ATP5F1A: variants seen among roughly 807,000 people sequenced by gnomAD.
ATP5F1A encodes the protein ATP synthase F(1) complex subunit alpha, mitochondrial.
Under a neutral mutation model 57.4 loss-of-function variants are expected in ATP5F1A, and 24 were observed. The ratio of observed to expected loss-of-function variants is 0.42; its 90% CI spans 0.30 to 0.59. The LOEUF (loss-of-function observed/expected upper bound fraction) is 0.59, where lower values mean the gene tolerates loss of function less well. ATP5F1A is among the 20% of genes least tolerant of loss of function. ATP5F1A has a pLI of 0.19. For synonymous variants in ATP5F1A, 251 were observed against 255.5 expected (o/e 0.98, Z 0.17); for missense variants, 494 against 707.9 (o/e 0.70, Z 3.43).
intron 3 of ATP5F1A, among the ~76,000 whole-genome samples, chr18:46,090,922 A>T (rs1910508820): frequency 6.6e-6 from 1 of 152,228 alleles, no homozygotes; most frequent in Non-Finnish European, 1.5e-5. Context: ...CAAAAGCTAA[A>T]AGGGGAACTC....
intron 10 of ATP5F1A, 80 bp downstream of exon 10, chr18:46,086,033 T>A: frequency 6.8e-7 from 1 of 1,469,442 alleles, no homozygotes; most frequent in Admixed American, 2.1e-5. Context: ...CAGGCCGTGA[T>A]ATGTGATGCA....
intron 1 of ATP5F1A, 92 bp downstream of exon 1, chr18:46,098,080 C>A: frequency 6.8e-7 from 1 of 1,472,406 alleles, no homozygotes; most frequent in Non-Finnish European, 9.0e-7. Context: ...CGCCACAGCC[C>A]CTCGCCCTCC....
chr18:46,091,287 A>G (rs1187739881), intron 3 of ATP5F1A, among the ~76,000 whole-genome samples: 1 of 152,220 alleles, frequency 6.6e-6, no homozygotes, highest in Non-Finnish European at 1.5e-5. Context: ...TTTGAACAAT[A>G]TGTCTACTCA....
At chr18:46,095,273 A>G (rs1910858644) in intron 1 of ATP5F1A, 142 bp from the exon 2 acceptor site, 3 of 721,638 alleles carry the variant, frequency 4.2e-6, no homozygotes, top group East Asian at 5.5e-5. Context: ...TAAAATGTCA[A>G]ATGGGAAAGT....
In ATP5F1A at chr18:46,084,277, G is replaced by T. The variant is rs757063310; in HGVS notation, c.*5C>A. 1 of 1,608,994 alleles carries T rather than the reference G, an allele frequency of 6.2e-7. No homozygotes were observed. Among genetic ancestry groups the T allele is most frequent in the Admixed American group, 1.7e-5 (1 of 59,462 alleles). ...AACTGGTATTTGATGTGAATCCACA[G>T]GAGTTTAAGCTTCAAATCCAGCCAA... On this transcript the variant is annotated 3_prime_UTR_variant, in exon 12 of 12. Transcript: ENST00000398752.
At chr18:46,087,302 G>T (rs777706954) in intron 7 of ATP5F1A, 39 bp downstream of exon 7, 1 of 1,612,732 alleles carries the variant, frequency 6.2e-7, no homozygotes, top group South Asian at 1.1e-5. Context: ...TTTTACTTCA[G>T]TACAAATAAA....
upstream of ATP5F1A, chr18:46,099,472 A>G (rs1911200783): frequency 6.6e-6 from 1 of 151,904 alleles, no homozygotes; most frequent in South Asian, 2.1e-4. Context: ...ATTTTATTTA[A>G]GACAGGGTCT....
chr18:46,083,746 G>A lies in ATP5F1A; in HGVS notation c.*536C>T, dbSNP rs1909891346. Reference sequence around the variant, plus strand: ...TGTAATCCCAGCACTGTGGTAGGTAGGCCAAGGCAGGTGGATCACCTGAGG... The same window carrying A: ...TGTAATCCCAGCACTGTGGTAGGTAAGCCAAGGCAGGTGGATCACCTGAGG... On this transcript the variant is annotated 3_prime_UTR_variant, in exon 12 of 12. Transcript: ENST00000398752. 1 of 152,622 alleles carries A rather than the reference G, an allele frequency of 6.6e-6. No homozygotes were observed. The highest frequency in any genetic ancestry group is 2.1e-4 in the South Asian group (1 of 4,848). 9.5% of individuals were successfully genotyped at this position (152,622 alleles called of 1,614,324 possible). A position where few individuals can be genotyped will look rare whatever the true frequency, so the allele number is the denominator to read the frequency against.
chr18:46,098,072 C>T (rs1376232912), intron 1 of ATP5F1A, 100 bp downstream of exon 1: 1 of 1,455,390 alleles, frequency 6.9e-7, no homozygotes, highest in South Asian at 1.4e-5. Context: ...GCGGCATTCG[C>T]CACAGCCCCT....
At chr18:46,098,435 T>C (rs2144226583), upstream of ATP5F1A, 1 of 1,359,422 alleles carries the variant, frequency 7.4e-7, no homozygotes, top group South Asian at 1.7e-5. Context: ...GTAACATTTT[T>C]AAGTTTAAAC....
chr18:46,087,921 A>C, intron 6 of ATP5F1A, 188 bp downstream of exon 6: 1 of 611,200 alleles, frequency 1.6e-6, no homozygotes, highest in Non-Finnish European at 2.7e-6. Context: ...AACAGCTTCC[A>C]CTTTAAAGAA....
At chr18:46,087,267 T>C (rs997533375) in intron 7 of ATP5F1A, 35 bp from the exon 8 acceptor site, 1 of 1,611,814 alleles carries the variant, frequency 6.2e-7, no homozygotes, top group Non-Finnish European at 8.5e-7. Context: ...AGTTAACCTA[T>C]TAAATAGAAG....
intron 1 of ATP5F1A, among the ~76,000 whole-genome samples, chr18:46,096,097 C>T (rs1910929130): frequency 6.6e-6 from 1 of 152,058 alleles, no homozygotes; most frequent in Admixed American, 6.6e-5. Context: ...CCATGTTGGC[C>T]AGGTTGATCT....
At chr18:46,089,498 G>C in intron 5 of ATP5F1A, 68 bp downstream of exon 5, 1 of 1,561,614 alleles carries the variant, frequency 6.4e-7, no homozygotes, top group Non-Finnish European at 8.8e-7. Flanking sequence ...ACCATTCCAA[G>C]ACTAAAATAT....
rs1446299515 is a variant in ATP5F1A at position 46,080,367 on chromosome 18, C to T, written c.*3915G>A. 6.6e-6 allele frequency: 1 copy of T among 152,168 alleles called. No homozygotes were observed. The highest frequency in any genetic ancestry group is 1.5e-5 in the Non-Finnish European group (1 of 68,032). 9.4% of individuals were successfully genotyped at this position (152,168 alleles called of 1,614,324 possible). On this transcript the variant is annotated 3_prime_UTR_variant, in exon 12 of 12. Transcript: ENST00000398752. Reference sequence around the variant, plus strand: ...CAGTGATAAGATAAATGCACACAGACACAATTTTATGACAGCCATTTTGTT... The same window carrying T: ...CAGTGATAAGATAAATGCACACAGATACAATTTTATGACAGCCATTTTGTT...
chr18:46,102,711 C>A (rs1054256715), upstream of ATP5F1A, among the ~76,000 whole-genome samples: 6 of 152,034 alleles, frequency 3.9e-5, no homozygotes, highest in Non-Finnish European at 8.8e-5. Context: ...CTTTGAGAGG[C>A]CCAAGTGGGA....
At chr18:46,099,108 T>C (rs924501264), upstream of ATP5F1A, among the ~76,000 whole-genome samples, 1 of 152,058 alleles carries the variant, frequency 6.6e-6, no homozygotes, top group Non-Finnish European at 1.5e-5. Flanking sequence ...TTAAAAAAAA[T>C]ATATCAACAA....
At chr18:46,102,079 C>T (rs898460707), upstream of ATP5F1A, among the ~76,000 whole-genome samples, 4 of 150,690 alleles carry the variant, frequency 2.7e-5, no homozygotes, top group African/African-American at 9.8e-5. Context: ...GAGGCTGAGG[C>T]AGGAGAATGG....
chr18:46,096,477 G>A (rs1466074423), intron 1 of ATP5F1A, among the ~76,000 whole-genome samples: 1 of 93,290 alleles, frequency 1.1e-5, no homozygotes, highest in Non-Finnish European at 2.4e-5. Flanking sequence ...TCCAGCCTGG[G>A]CGACAAAAGC....
Sources: gnomAD v4.1 joint callset for allele counts (sites outside exome capture counted in the v4.1 genomes callset) on GRCh38, gnomAD v4.1.1 for gene constraint, MANE v1.5 for transcripts, NCBI Gene and HGNC (gene_info 2026-07-23, HGNC 2026-07-21) for gene names.